The following ZNF536 variants were observed in gnomAD, a reference collection of about 807,000 sequenced individuals.
ZNF536 encodes zinc finger protein 536.
A neutral mutation model predicts 84.5 loss-of-function variants in ZNF536; 13 were observed. The observed-to-expected ratio is 0.15, with a 90% CI of 0.10 to 0.24. The LOEUF (loss-of-function observed/expected upper bound fraction) is 0.24. Among genes scored for constraint, ZNF536 ranks in the 10% least tolerant of loss-of-function variants. The pLI is 1.00. For synonymous variants in ZNF536, 811 were observed against 742.5 expected, an observed-to-expected ratio of 1.09 and a Z score of -1.50; for missense variants, 1,536 against 1,747.5, an observed-to-expected ratio of 0.88 and a Z score of 2.16.
chr19:30,290,043 C>G (rs562335271), intron 2 of ZNF536, among the ~76,000 whole-genome samples: 1 of 152,276 alleles, frequency 6.6e-6, no homozygotes, highest in East Asian at 1.9e-4. Flanking sequence ...CTACCCATTC[C>G]AGGTCGTGGC....
chr19:30,615,312 C>T lies in ZNF536; in HGVS notation c.169+65798C>T, dbSNP rs115055263. Reference sequence around the variant, plus strand: ...TGATGTAAAAAGTGAATTAGGGTTCCAGTTTTATTCTTTGTGTCCTTTCTC... The same window carrying T: ...TGATGTAAAAAGTGAATTAGGGTTCTAGTTTTATTCTTTGTGTCCTTTCTC... On this transcript the variant is annotated intron_variant, in intron 1 of 1. Transcript: ENST00000592773. Among the ~76,000 whole-genome samples, 588 of 152,124 alleles carry T rather than the reference C, an allele frequency of 3.9e-3. 6 individuals are homozygous for T. The highest frequency in any genetic ancestry group is 0.013 in the African/African-American group (557 of 41,474).
intron 2 of ZNF536, among the ~76,000 whole-genome samples, chr19:30,309,498 C>T (rs944151946): frequency 2.0e-5 from 3 of 152,156 alleles, no homozygotes; most frequent in African/African-American, 2.4e-5. Context: ...CACAGTTGTG[C>T]GGCTGAAAAG....
At chr19:30,582,458 A>G (rs565623466) in intron 1 of ZNF536, among the ~76,000 whole-genome samples, 11 of 139,516 alleles carry the variant, frequency 7.9e-5, no homozygotes, top group African/African-American at 2.4e-4. Flanking sequence ...ATCATAGCTC[A>G]TAGCTCACTG....
At chr19:30,570,985 C>A (rs1390831722) in intron 1 of ZNF536, among the ~76,000 whole-genome samples, 1 of 152,150 alleles carries the variant, frequency 6.6e-6, no homozygotes, top group Non-Finnish European at 1.5e-5. Context: ...TCAGCTGCCC[C>A]CCAGCTCCTC....
intron 2 of ZNF536, among the ~76,000 whole-genome samples, chr19:30,446,397 C>T (rs984041838): frequency 3.3e-5 from 5 of 151,994 alleles, no homozygotes; most frequent in Admixed American, 6.6e-5. Flanking sequence ...CTGACGCTGT[C>T]GGCCATCATC....
chr19:30,258,259 A>G (rs1435708739), intron 1 of ZNF536, among the ~76,000 whole-genome samples: 1 of 152,184 alleles, frequency 6.6e-6, no homozygotes, highest in Non-Finnish European at 1.5e-5. Context: ...GCCACTTCCA[A>G]TGACTCTGGT....
At chr19:30,682,392 G>A (rs1306006076) in intron 1 of ZNF536, among the ~76,000 whole-genome samples, 1 of 152,146 alleles carries the variant, frequency 6.6e-6, no homozygotes, top group African/African-American at 2.4e-5. Context: ...CATTTGTGCT[G>A]GTCGCGCGTG....
rs180880666 is a variant in ZNF536, at chr19:30,701,988, C to T, written c.170-8769C>T. Among the ~76,000 whole-genome samples, 677 of 152,286 alleles carry T rather than the reference C, an allele frequency of 4.4e-3. 9 individuals are homozygous for T. The highest frequency in any genetic ancestry group is 0.015 in the African/African-American group (636 of 41,542). On this transcript the variant is annotated intron_variant, in intron 1 of 1. Coordinates refer to the ZNF536 transcript ENST00000592773. ...ACCACAGGGTGGTCACCTCTTCTCTCCCCACTCTCTTACCCTCTGTCCCAC... is the reference window on the plus strand; with the variant it reads ...ACCACAGGGTGGTCACCTCTTCTCTTCCCACTCTCTTACCCTCTGTCCCAC...
intron 1 of ZNF536, among the ~76,000 whole-genome samples, chr19:30,418,135 A>ATT (rs2050810666): frequency 6.6e-6 from 1 of 151,708 alleles, no homozygotes; most frequent in African/African-American, 2.4e-5. Flanking sequence ...CGAATACCCA[A>ATT]TTTTGCTGGA....
At chr19:30,439,575 A>G (rs1266345665) in intron 1 of ZNF536, among the ~76,000 whole-genome samples, 1 of 152,168 alleles carries the variant, frequency 6.6e-6, no homozygotes, top group Admixed American at 6.5e-5. Flanking sequence ...GGCATCAGTT[A>G]TGACTGCCCC....
At chr19:30,590,931 G>A (rs1240071496) in intron 1 of ZNF536, among the ~76,000 whole-genome samples, 1 of 152,250 alleles carries the variant, frequency 6.6e-6, no homozygotes, top group Non-Finnish European at 1.5e-5. Context: ...GGGGCAAAGG[G>A]CACCTGCAGA....
At chr19:30,539,594 C>T (rs1445531849) in intron 3 of ZNF536, among the ~76,000 whole-genome samples, 1 of 152,304 alleles carries the variant, frequency 6.6e-6, no homozygotes, top group Non-Finnish European at 1.5e-5. Context: ...CGCATGTCCC[C>T]AGAGTCTCCT....
At chr19:30,350,070 T>C (rs907257062) in intron 2 of ZNF536, among the ~76,000 whole-genome samples, 2 of 152,142 alleles carry the variant, frequency 1.3e-5, no homozygotes, top group Non-Finnish European at 2.9e-5. Flanking sequence ...GAAAGTCTGG[T>C]GTCTGCCGGA....
intron 2 of ZNF536, among the ~76,000 whole-genome samples, chr19:30,471,276 G>A (rs775200389): frequency 6.6e-6 from 1 of 152,152 alleles, no homozygotes; most frequent in Non-Finnish European, 1.5e-5. Flanking sequence ...CCTGGCTGAG[G>A]TAGTGTCTGT....
At chr19:30,411,324 GT>G (rs541797377) in intron 1 of ZNF536, among the ~76,000 whole-genome samples, 84 of 150,838 alleles carry the variant, frequency 5.6e-4, no homozygotes, top group Non-Finnish European at 8.7e-4. Context: ...AAGCTTTTTA[GT>G]TTTTTTTTGC....
downstream of ZNF536, among the ~76,000 whole-genome samples, chr19:30,560,560 A>G (rs940673000): frequency 6.6e-6 from 1 of 151,958 alleles, no homozygotes; most frequent in Non-Finnish European, 1.5e-5. Flanking sequence ...TAACACGAAC[A>G]CCCTGGTCTG....
At chr19:30,315,275 G>A (rs1209400008) in intron 2 of ZNF536, among the ~76,000 whole-genome samples, 1 of 152,216 alleles carries the variant, frequency 6.6e-6, no homozygotes, top group East Asian at 1.9e-4. Flanking sequence ...AAGGAGTAAG[G>A]GATGGGTCAT....
intron 3 of ZNF536, among the ~76,000 whole-genome samples, chr19:30,361,377 C>T (rs918311886): frequency 1.3e-5 from 2 of 150,250 alleles, no homozygotes; most frequent in Non-Finnish European, 3.0e-5. Context: ...TTTTTTTAAG[C>T]CTTCTTTTTT....
intron 2 of ZNF536, among the ~76,000 whole-genome samples, chr19:30,492,098 G>T (rs930856462): frequency 3.2e-4 from 48 of 151,506 alleles, no homozygotes; most frequent in African/African-American, 1.1e-3. Flanking sequence ...TTGGGTGAGG[G>T]TGGGGGTGGG....
Sources: allele counts gnomAD v4.1 joint callset (sites outside exome capture counted in the v4.1 genomes callset), GRCh38; gene constraint gnomAD v4.1.1; transcripts MANE v1.5; gene names NCBI Gene and HGNC (gene_info 2026-07-23, HGNC 2026-07-21).